SCHIP1: variants seen among roughly 807,000 people sequenced by gnomAD.
SCHIP1 encodes the protein schwannomin interacting protein 1.
A neutral mutation model predicts 29.7 loss-of-function variants in SCHIP1; 8 were observed. That is an observed-to-expected ratio of 0.27 (90% CI 0.16 to 0.49). SCHIP1 has a LOEUF of 0.49. Ranked by LOEUF, SCHIP1 falls within the 20% of genes least tolerant of loss-of-function variation. The pLI is 0.99. For synonymous variants in SCHIP1, 76 were observed against 94.9 expected (o/e 0.80, Z 1.16); for missense variants, 193 against 294.6 (o/e 0.66, Z 2.52).
At chr3:159,406,197 T>C in the SCHIP1 span, among the ~76,000 whole-genome samples, 1 of 151,874 alleles carries the variant, frequency 6.6e-6, no homozygotes, top group African/African-American at 2.4e-5. Context: ...AAAGGTCAAG[T>C]TTAAGGAAAG....
intron 2 of SCHIP1, among the ~76,000 whole-genome samples, chr3:159,878,784 A>T (rs1716136439): frequency 6.7e-6 from 1 of 150,328 alleles, no homozygotes; most frequent in South Asian, 2.1e-4. Context: ...TCTCAAAAAA[A>T]AAATAAAATA....
the SCHIP1 span, among the ~76,000 whole-genome samples, chr3:159,763,078 TCAGCGTG>T: frequency 6.6e-6 from 1 of 152,042 alleles, no homozygotes; most frequent in Non-Finnish European, 1.5e-5. Flanking sequence ...GAGGTCATCC[TCAGCGTG>T]CAGCCCGGAG....
the SCHIP1 span, among the ~76,000 whole-genome samples, chr3:159,363,116 G>A: frequency 1.3e-5 from 2 of 152,134 alleles, no homozygotes; most frequent in Non-Finnish European, 2.9e-5. Context: ...TCTCCCTTGA[G>A]TATGTATAGT....
the SCHIP1 span, among the ~76,000 whole-genome samples, chr3:159,702,295 C>T: frequency 7.9e-5 from 12 of 152,198 alleles, no homozygotes; most frequent in African/African-American, 2.9e-4. Flanking sequence ...GAAGAAATTC[C>T]CCAAATTCTT....
At chr3:159,815,702 T>A in the SCHIP1 span, among the ~76,000 whole-genome samples, 4 of 152,176 alleles carry the variant, frequency 2.6e-5, no homozygotes, top group African/African-American at 9.7e-5. Flanking sequence ...CATCATCATC[T>A]TCTCCCCTTC....
At chr3:159,524,122 C>T in the SCHIP1 span, among the ~76,000 whole-genome samples, 149 of 152,244 alleles carry the variant, frequency 9.8e-4, 1 homozygote, top group Middle Eastern at 3.4e-3. Flanking sequence ...CTCTTATGTT[C>T]GTCAAGGATT....
the SCHIP1 span, among the ~76,000 whole-genome samples, chr3:159,619,764 G>T: frequency 6.6e-6 from 1 of 152,112 alleles, no homozygotes; most frequent in East Asian, 1.9e-4. Flanking sequence ...AACTGTTGTG[G>T]TTTGCTTTCT....
the SCHIP1 span, among the ~76,000 whole-genome samples, chr3:159,683,152 C>G: frequency 1.3e-5 from 2 of 152,108 alleles, no homozygotes; most frequent in Admixed American, 1.3e-4. Context: ...CAGGTTCGAG[C>G]AATTCTTCTG....
the SCHIP1 span, among the ~76,000 whole-genome samples, chr3:159,696,830 G>A: frequency 1.3e-5 from 2 of 152,204 alleles, no homozygotes; most frequent in Non-Finnish European, 2.9e-5. Flanking sequence ...TAAAGGCCTA[G>A]AAATGAGAGA....
At chr3:159,593,224 C>A in the SCHIP1 span, among the ~76,000 whole-genome samples, 1 of 152,140 alleles carries the variant, frequency 6.6e-6, no homozygotes, top group Non-Finnish European at 1.5e-5. Context: ...ATTCAATATA[C>A]AAGAGTAGGT....
At chr3:159,285,620 TTTTA>T in the SCHIP1 span, among the ~76,000 whole-genome samples, 3 of 152,242 alleles carry the variant, frequency 2.0e-5, no homozygotes, top group African/African-American at 2.4e-5. Flanking sequence ...TTATATTTTA[TTTTA>T]TTTATTGTCT....
chr3:159,336,434 A>G, the SCHIP1 span, among the ~76,000 whole-genome samples: 1 of 152,098 alleles, frequency 6.6e-6, no homozygotes, highest in African/African-American at 2.4e-5. Flanking sequence ...CTATGTCCTG[A>G]ATGGTATTGC....
intron 5 of SCHIP1, among the ~76,000 whole-genome samples, chr3:159,891,630 T>G (rs1717554978): frequency 6.6e-6 from 1 of 152,202 alleles, no homozygotes; most frequent in African/African-American, 2.4e-5. Flanking sequence ...TCTCCTTTCC[T>G]AGGGCCATGT....
At chr3:159,446,095 A>G in the SCHIP1 span, among the ~76,000 whole-genome samples, 1 of 152,132 alleles carries the variant, frequency 6.6e-6, no homozygotes, top group African/African-American at 2.4e-5. Flanking sequence ...TACCAGGCTC[A>G]GGATGTCAAC....
chr3:159,797,502 TG>T, the SCHIP1 span, among the ~76,000 whole-genome samples: 1 of 152,218 alleles, frequency 6.6e-6, no homozygotes, highest in African/African-American at 2.4e-5. Context: ...CTGGAACAAA[TG>T]TAAATCTAAT....
chr3:159,401,670 G>A, the SCHIP1 span, among the ~76,000 whole-genome samples: 1 of 152,160 alleles, frequency 6.6e-6, no homozygotes, highest in Non-Finnish European at 1.5e-5. Context: ...CACATTGTGA[G>A]TTACTTATAG....
chr3:159,748,069 T>C, the SCHIP1 span, among the ~76,000 whole-genome samples: 2 of 152,240 alleles, frequency 1.3e-5, no homozygotes, highest in Non-Finnish European at 2.9e-5. Flanking sequence ...TTACTATTTT[T>C]ACCTTTTGTT....
chr3:159,392,651 T>G, the SCHIP1 span, among the ~76,000 whole-genome samples: 1 of 152,084 alleles, frequency 6.6e-6, no homozygotes, highest in Non-Finnish European at 1.5e-5. Context: ...CTCATCATTT[T>G]TTATGGCTGC....
At chr3:159,618,551 A>G in the SCHIP1 span, among the ~76,000 whole-genome samples, 2 of 152,242 alleles carry the variant, frequency 1.3e-5, no homozygotes, top group Non-Finnish European at 1.5e-5. Flanking sequence ...AAAGTGTTCA[A>G]CTATGATGAA....
Sources: gnomAD v4.1 joint callset for allele counts (sites outside exome capture counted in the v4.1 genomes callset) on GRCh38, gnomAD v4.1.1 for gene constraint, MANE v1.5 for transcripts, NCBI Gene and HGNC (gene_info 2026-07-23, HGNC 2026-07-21) for gene names.